The following DLG2 variants were observed in gnomAD, a reference collection of about 807,000 sequenced individuals.
The protein encoded by DLG2 is disks large homolog 2.
DLG2 carries 45 observed loss-of-function variants against 132.5 expected under a neutral mutation model. That is an observed-to-expected ratio of 0.34 (90% CI 0.27 to 0.44). DLG2 has a LOEUF of 0.44. Ranked by LOEUF, DLG2 falls within the 20% of genes least tolerant of loss-of-function variation. DLG2 has a pLI of 1.00. For synonymous variants in DLG2, 424 were observed against 419.6 expected, an observed-to-expected ratio of 1.01 and a Z score of -0.13; for missense variants, 1,045 against 1,196.9, an observed-to-expected ratio of 0.87 and a Z score of 1.87.
chr11:84,540,555 C>G lies in DLG2; in HGVS notation c.358-5824G>C, dbSNP rs941932400. ...GTCAGGAAACAACAGGTGCTGGAGACGATGTGGAGAAATAGGAACACTTTT... is the reference window on the plus strand; with the variant it reads ...GTCAGGAAACAACAGGTGCTGGAGAGGATGTGGAGAAATAGGAACACTTTT... On this transcript the variant is annotated intron_variant, in intron 6 of 27. Transcript: ENST00000376104. Among the ~76,000 whole-genome samples, 23 of 152,090 alleles carry G rather than the reference C, an allele frequency of 1.5e-4. 1 individual carries two copies. The highest frequency in any genetic ancestry group is 2.2e-4 in the African/African-American group (9 of 41,522).
At chr11:84,797,090 GC>G (rs1410738448) in intron 6 of DLG2, among the ~76,000 whole-genome samples, 1 of 151,908 alleles carries the variant, frequency 6.6e-6, no homozygotes, top group African/African-American at 2.4e-5. Flanking sequence ...CAGGTGATCC[GC>G]CTGCCTCAGC....
intron 6 of DLG2, among the ~76,000 whole-genome samples, chr11:84,842,229 A>G (rs1258677625): frequency 1.3e-5 from 2 of 152,004 alleles, no homozygotes; most frequent in Non-Finnish European, 2.9e-5. Flanking sequence ...TAAACCAGAC[A>G]TTATTCAAAA....
chr11:84,192,032 A>C (rs2096418950), intron 8 of DLG2, among the ~76,000 whole-genome samples: 1 of 141,370 alleles, frequency 7.1e-6, no homozygotes, highest in Non-Finnish European at 1.6e-5. Context: ...ATTTGCTAGA[A>C]CATAAATGAA....
intron 6 of DLG2, among the ~76,000 whole-genome samples, chr11:84,796,203 T>A (rs2074580785): frequency 6.6e-6 from 1 of 152,150 alleles, no homozygotes; most frequent in South Asian, 2.1e-4. Context: ...TATCAAAACA[T>A]CTCTTGAATT....
intron 6 of DLG2, among the ~76,000 whole-genome samples, chr11:84,934,460 T>C (rs2048448039): frequency 6.6e-6 from 1 of 150,802 alleles, no homozygotes; most frequent in South Asian, 2.1e-4. Context: ...AGCTCTTCTT[T>C]GTACATCCTC....
At chr11:85,120,755 G>C (rs1005775965) in intron 5 of DLG2, among the ~76,000 whole-genome samples, 1 of 151,882 alleles carries the variant, frequency 6.6e-6, no homozygotes, top group African/African-American at 2.4e-5. Flanking sequence ...ATAATAAATG[G>C]TATGATTTAT....
intron 10 of DLG2, among the ~76,000 whole-genome samples, chr11:84,085,648 A>G (rs566335910): frequency 1.6e-4 from 24 of 152,346 alleles, no homozygotes; most frequent in Admixed American, 1.0e-3. Context: ...CCTTCACTAG[A>G]GCAGTACATC....
At chr11:84,358,474 T>C (rs2098631036) in intron 7 of DLG2, among the ~76,000 whole-genome samples, 1 of 151,304 alleles carries the variant, frequency 6.6e-6, no homozygotes, top group South Asian at 2.1e-4. Context: ...AGGTAATAAG[T>C]AGATAAAAAT....
At chr11:83,792,232 G>A (rs1201909191) in intron 17 of DLG2, among the ~76,000 whole-genome samples, 1 of 152,098 alleles carries the variant, frequency 6.6e-6, no homozygotes. Flanking sequence ...TCCCTGGAAA[G>A]ACTTCTTGGT....
intron 16 of DLG2, among the ~76,000 whole-genome samples, chr11:83,865,033 A>C (rs923709920): frequency 1.3e-5 from 2 of 152,200 alleles, no homozygotes; most frequent in African/African-American, 4.8e-5. Context: ...TCCCGCAAAT[A>C]TTCATCAGAT....
intron 17 of DLG2, among the ~76,000 whole-genome samples, chr11:83,791,943 C>T (rs1011457925): frequency 3.9e-5 from 6 of 152,202 alleles, no homozygotes; most frequent in African/African-American, 1.4e-4. Context: ...GCTCTCCTTA[C>T]ATACATATTT....
At chr11:84,030,386 A>C (rs1291735042) in intron 11 of DLG2, among the ~76,000 whole-genome samples, 1 of 152,176 alleles carries the variant, frequency 6.6e-6, no homozygotes, top group Non-Finnish European at 1.5e-5. Context: ...CATATTCAAA[A>C]GCATAGAACT....
rs570185928 is a variant in DLG2 at position 83,950,124 on chromosome 11, C to T, written c.1340+12761G>A. ...GTGTAAAAGGGGGTAATTATAGCTG[C>T]CTCCTGGAATTACTATGCAAATTAA... On this transcript the variant is annotated intron_variant, in intron 14 of 27. Coordinates refer to ENST00000376104, the MANE Select transcript of DLG2 (RefSeq NM_001142699.3). Among the ~76,000 whole-genome samples the T allele has an allele frequency of 3.0e-4, 46 of 152,168 alleles. 1 individual carries two copies. The highest frequency in any genetic ancestry group is 5.3e-4 in the Non-Finnish European group (36 of 68,032).
intron 7 of DLG2, among the ~76,000 whole-genome samples, chr11:84,505,796 T>C (rs574698997): frequency 1.1e-4 from 17 of 152,236 alleles, no homozygotes; most frequent in African/African-American, 3.9e-4. Flanking sequence ...AAGAAATCTC[T>C]TGGGTATATT....
chr11:84,301,385 C>T (rs1350015706), intron 7 of DLG2, among the ~76,000 whole-genome samples: 11 of 152,030 alleles, frequency 7.2e-5, no homozygotes, highest in African/African-American at 2.2e-4. Flanking sequence ...CAGGCCAGTG[C>T]GGTGGCTCAC....
chr11:85,611,158 G>A (rs2080971954), intron 2 of DLG2, among the ~76,000 whole-genome samples: 1 of 152,236 alleles, frequency 6.6e-6, no homozygotes, highest in Admixed American at 6.5e-5. Context: ...ACCTAAGTAA[G>A]AAAATTGATG....
chr11:84,161,365 A>T (rs752681298), intron 9 of DLG2, among the ~76,000 whole-genome samples: 1 of 152,182 alleles, frequency 6.6e-6, no homozygotes, highest in African/African-American at 2.4e-5. Context: ...AGAAGTTTCA[A>T]TGAGAAGGTA....
intron 6 of DLG2, among the ~76,000 whole-genome samples, chr11:84,645,706 A>T (rs1419252736): frequency 1.3e-5 from 2 of 152,162 alleles, no homozygotes; most frequent in African/African-American, 4.8e-5. Context: ...TGACCTCGTG[A>T]TCCGCCAGCC....
rs768420271 is a variant in DLG2 at position 84,420,650 on chromosome 11, C to CTTTTTTTTTTTTTTTTTT, written c.519+113902_519+113919dup. Among the ~76,000 whole-genome samples the CTTTTTTTTTTTTTTTTTT allele has an allele frequency of 7.8e-4, 33 of 42,236 alleles. 14 individuals carry two copies. Among genetic ancestry groups the CTTTTTTTTTTTTTTTTTT allele is most frequent in the South Asian group, 2.2e-3 (2 of 890 alleles). The allele number at this position is 42,236 out of a possible 152,430, so 27.7% of individuals were successfully genotyped here. ...CAGCACAGTGACCAATGCTTGTTTT[C>CTTTTTTTTTTTTTTTTTT]TTTTTTTTTTTTTTTTTTTTTTTTT... On this transcript the variant is annotated intron_variant, in intron 7 of 27. Coordinates refer to ENST00000376104, the MANE Select transcript of DLG2 (RefSeq NM_001142699.3).
Sources: gnomAD v4.1 joint callset for allele counts (sites outside exome capture counted in the v4.1 genomes callset) on GRCh38, gnomAD v4.1.1 for gene constraint, MANE v1.5 for transcripts, NCBI Gene and HGNC (gene_info 2026-07-23, HGNC 2026-07-21) for gene names.